Variants in NRXN3 observed in about 807,000 individuals in gnomAD.
NRXN3 encodes neurexin III.
A neutral mutation model predicts 137.6 loss-of-function variants in NRXN3; 32 were observed. The observed-to-expected ratio is 0.23, with a 90% CI of 0.18 to 0.31. The LOEUF (loss-of-function observed/expected upper bound fraction) is 0.31. Ranked by LOEUF, NRXN3 falls within the 10% of genes least tolerant of loss-of-function variation. NRXN3 has a pLI of 1.00. For synonymous variants in NRXN3, 798 were observed against 784.5 expected (o/e 1.02, Z -0.29); for missense variants, 1,574 against 2,062.5 (o/e 0.76, Z 4.59).
At chr14:78,603,869 A>C (rs181869996) in intron 4 of NRXN3, among the ~76,000 whole-genome samples, 17 of 152,284 alleles carry the variant, frequency 1.1e-4, no homozygotes, top group African/African-American at 4.1e-4. Flanking sequence ...ACAGTTATGA[A>C]AATAAGAATT....
In NRXN3 at chr14:79,124,860, C is replaced by T. The variant is rs548988666; in HGVS notation, c.3262+136719C>T. Among the ~76,000 whole-genome samples the T allele has an allele frequency of 4.0e-5, 6 of 151,662 alleles. No individual in the cohort carries two copies. In the East Asian group the frequency reaches 5.8e-4, roughly 15 times the overall value. On this transcript the variant is annotated intron_variant, in intron 15 of 20. Transcript: ENST00000335750. ...CAGCAATGATTCTCTAAATTTTTTG[C>T]TGAGACAGATAAAATAGCTGTTTTT...
Position 79,867,919 on chromosome 14 carries a change from G to A in NRXN3, c.*5955G>A, listed in dbSNP as rs1345480641. On this transcript the variant is annotated 3_prime_UTR_variant, in exon 21 of 21. Transcript: ENST00000335750. Reference sequence around the variant, plus strand: ...AAAGCAATGCATGCTCAGATCTTGGGAGATGTATTAAATGAGTAGAGTGAA... The same window carrying A: ...AAAGCAATGCATGCTCAGATCTTGGAAGATGTATTAAATGAGTAGAGTGAA... 6.6e-6 allele frequency: 1 copy of A among 151,430 alleles called. No homozygotes were observed. Among genetic ancestry groups the A allele is most frequent in the Non-Finnish European group, 1.5e-5 (1 of 67,972 alleles). The allele number at this position is 151,430 out of a possible 1,614,324, so 9.4% of individuals were successfully genotyped here.
intron 4 of NRXN3, among the ~76,000 whole-genome samples, chr14:78,438,097 G>A (rs2094131964): frequency 6.6e-6 from 1 of 152,104 alleles, no homozygotes; most frequent in Non-Finnish European, 1.5e-5. Context: ...ATGTTTTATA[G>A]TAAAATTGAC....
chr14:79,058,768 C>T (rs951996047), intron 15 of NRXN3, among the ~76,000 whole-genome samples: 4 of 151,900 alleles, frequency 2.6e-5, no homozygotes, highest in Non-Finnish European at 5.9e-5. Context: ...ATCATGAGGG[C>T]GGTTCTCTCC....
At chr14:78,490,580 A>ACCCTTT (rs2095648284) in intron 4 of NRXN3, among the ~76,000 whole-genome samples, 1 of 152,156 alleles carries the variant, frequency 6.6e-6, no homozygotes, top group Admixed American at 6.5e-5. Context: ...CCCTTTAAGG[A>ACCCTTT]AAGTCATTGT....
At chr14:79,537,262 T>A (rs1343876242) in intron 16 of NRXN3, among the ~76,000 whole-genome samples, 1 of 152,148 alleles carries the variant, frequency 6.6e-6, no homozygotes, top group Non-Finnish European at 1.5e-5. Context: ...ATGTTTTCTT[T>A]TGAGAAGTGT....
intron 4 of NRXN3, among the ~76,000 whole-genome samples, chr14:78,454,151 T>C (rs1238122141): frequency 6.6e-6 from 1 of 152,188 alleles, no homozygotes; most frequent in Admixed American, 6.5e-5. Flanking sequence ...TTAGATAAGA[T>C]CTTTGCTTTT....
intron 20 of NRXN3, chr14:79,853,809 AAT>A: frequency 2.0e-6 from 2 of 990,178 alleles, no homozygotes; most frequent in Non-Finnish European, 2.4e-6. Flanking sequence ...TAAATGCAGA[AAT>A]TCATTCAAAA....
At chr14:79,166,607 G>T (rs2061307706) in intron 15 of NRXN3, among the ~76,000 whole-genome samples, 1 of 151,208 alleles carries the variant, frequency 6.6e-6, no homozygotes, top group Admixed American at 6.6e-5. Context: ...ATATTAAGAA[G>T]ATTCTCTATT....
chr14:78,883,225 C>T (rs748366861), intron 10 of NRXN3, among the ~76,000 whole-genome samples: 15 of 152,148 alleles, frequency 9.9e-5, no homozygotes, highest in Non-Finnish European at 1.6e-4. Flanking sequence ...TTATTATTCT[C>T]ATGTGATATA....
At chr14:78,790,667 A>G (rs2098802614) in intron 8 of NRXN3, among the ~76,000 whole-genome samples, 1 of 152,210 alleles carries the variant, frequency 6.6e-6, no homozygotes, top group South Asian at 2.1e-4. Flanking sequence ...CAGTTGCTGC[A>G]TGAATGAGCA....
chr14:79,794,960 G>A (rs960455317), intron 19 of NRXN3, among the ~76,000 whole-genome samples: 12 of 152,180 alleles, frequency 7.9e-5, no homozygotes, highest in Non-Finnish European at 1.3e-4. Context: ...CAAGTGCAAA[G>A]ATAAATGATT....
chr14:78,844,401 A>AG (rs1159470734), intron 10 of NRXN3, among the ~76,000 whole-genome samples: 1 of 152,108 alleles, frequency 6.6e-6, no homozygotes, highest in Non-Finnish European at 1.5e-5. Flanking sequence ...GGATTAAGAC[A>AG]GGGACTCATC....
intron 10 of NRXN3, among the ~76,000 whole-genome samples, chr14:78,891,570 G>A (rs2099159112): frequency 6.6e-6 from 1 of 152,010 alleles, no homozygotes; most frequent in South Asian, 2.1e-4. Flanking sequence ...TGGGTTAACT[G>A]ACAATTCAGA....
chr14:79,726,520 G>A (rs1364351234), intron 19 of NRXN3, among the ~76,000 whole-genome samples: 1 of 151,900 alleles, frequency 6.6e-6, no homozygotes, highest in Non-Finnish European at 1.5e-5. Flanking sequence ...AGCACATAGC[G>A]GTGCTCTTTT....
chr14:79,467,669 A>G (rs2096447605), intron 16 of NRXN3, among the ~76,000 whole-genome samples: 1 of 152,172 alleles, frequency 6.6e-6, no homozygotes, highest in African/African-American at 2.4e-5. Flanking sequence ...GGCCTGTGGC[A>G]GAATATTTAG....
chr14:79,285,037 A>T (rs1465994637), intron 15 of NRXN3, among the ~76,000 whole-genome samples: 1 of 152,128 alleles, frequency 6.6e-6, no homozygotes, highest in Admixed American at 6.5e-5. Context: ...CTGGAGATTA[A>T]CTTGTTCTTG....
At chr14:79,204,365 T>C (rs540092399) in intron 15 of NRXN3, among the ~76,000 whole-genome samples, 2 of 151,898 alleles carry the variant, frequency 1.3e-5, no homozygotes, top group East Asian at 3.9e-4. Flanking sequence ...ATGCCTCATA[T>C]GGTAACAGTT....
At chr14:78,702,827 T>C in intron 6 of NRXN3, among the ~76,000 whole-genome samples, 1 of 152,234 alleles carries the variant, frequency 6.6e-6, no homozygotes, top group Non-Finnish European at 1.5e-5. Flanking sequence ...AAATTAATAG[T>C]GATCGCCATC....
Sources: allele counts gnomAD v4.1 joint callset (sites outside exome capture counted in the v4.1 genomes callset), GRCh38; gene constraint gnomAD v4.1.1; transcripts MANE v1.5; gene names NCBI Gene and HGNC (gene_info 2026-07-23, HGNC 2026-07-21).